TRHDE: variants seen among roughly 807,000 people sequenced by gnomAD.
TRHDE encodes the protein thyrotropin releasing hormone degrading enzyme, also known as thyrotropin-releasing hormone-degrading ectoenzyme.
TRHDE carries 72 observed loss-of-function variants against 125.7 expected under a neutral mutation model. That is an observed-to-expected ratio of 0.57 (90% CI 0.47 to 0.70). The LOEUF (loss-of-function observed/expected upper bound fraction) is 0.70, where lower values mean the gene tolerates loss of function less well. Ranked by LOEUF, TRHDE falls within the 30% of genes least tolerant of loss-of-function variation. The pLI, the probability that TRHDE is intolerant of heterozygous loss-of-function variation, is 0.00. For synonymous variants in TRHDE, 509 were observed against 509.1 expected (o/e 1.00, Z 0.00); for missense variants, 1,110 against 1,327.1 (o/e 0.84, Z 2.54).
chr12:72,642,854 C>T (rs890773209), intron 15 of TRHDE, among the ~76,000 whole-genome samples: 18 of 152,102 alleles, frequency 1.2e-4, no homozygotes, highest in Admixed American at 2.0e-4. Context: ...TTTTAGCTCA[C>T]GCTTTACAAA....
At chr12:72,351,339 G>T (rs1414173848) in intron 2 of TRHDE, among the ~76,000 whole-genome samples, 1 of 151,952 alleles carries the variant, frequency 6.6e-6, no homozygotes, top group African/African-American at 2.4e-5. Flanking sequence ...AGAACTAAAA[G>T]TGTTCTTTAT....
chr12:72,135,551 T>G (rs1219090237), intron 2 of TRHDE, among the ~76,000 whole-genome samples: 1 of 132,492 alleles, frequency 7.5e-6, no homozygotes, highest in East Asian at 2.5e-4. Context: ...GTAAACATGT[T>G]TTTTTTTTTT....
chr12:72,153,291 T>C (rs1429994906), intron 2 of TRHDE, among the ~76,000 whole-genome samples: 1 of 152,218 alleles, frequency 6.6e-6, no homozygotes, highest in Non-Finnish European at 1.5e-5. Flanking sequence ...CTCTCTTTTC[T>C]TCTTTATTAG....
At chr12:72,357,078 T>C (rs1870857916) in intron 2 of TRHDE, among the ~76,000 whole-genome samples, 1 of 151,448 alleles carries the variant, frequency 6.6e-6, no homozygotes, top group Non-Finnish European at 1.5e-5. Flanking sequence ...CTTAAAACTT[T>C]CCAGGTTTAA....
chr12:72,110,968 C>G (rs1416793087), intron 2 of TRHDE, among the ~76,000 whole-genome samples: 8 of 152,104 alleles, frequency 5.3e-5, no homozygotes, highest in Non-Finnish European at 1.5e-5. Flanking sequence ...CTTTTCCTGT[C>G]ACTCTCAGGC....
intron 2 of TRHDE, among the ~76,000 whole-genome samples, chr12:72,296,731 C>T (rs959406222): frequency 6.6e-6 from 1 of 151,192 alleles, no homozygotes; most frequent in Non-Finnish European, 1.5e-5. Flanking sequence ...TTATTAGAGT[C>T]GAGGAGTTTA....
At chr12:72,614,330 A>ATATGTATATATATATATATATTTT (rs531067163) in intron 12 of TRHDE, among the ~76,000 whole-genome samples, 1 of 129,860 alleles carries the variant, frequency 7.7e-6, no homozygotes, top group African/African-American at 3.1e-5. Context: ...ATATATATAT[A>ATATGTATATATATATATATATTTT]TTTTTTTTTT....
chr12:72,511,888 T>C (rs187030182), intron 6 of TRHDE, among the ~76,000 whole-genome samples: 2 of 152,140 alleles, frequency 1.3e-5, no homozygotes, highest in Admixed American at 1.3e-4. Flanking sequence ...TAAAAATAGG[T>C]AGCAGGTTAT....
chr12:72,161,855 A>G (rs573734149), intron 2 of TRHDE, among the ~76,000 whole-genome samples: 1 of 152,364 alleles, frequency 6.6e-6, no homozygotes, highest in South Asian at 2.1e-4. Flanking sequence ...TTTGATCTTG[A>G]TATGTGTTTT....
At chr12:72,347,889 C>CA (rs1390685321) in intron 2 of TRHDE, among the ~76,000 whole-genome samples, 9 of 151,982 alleles carry the variant, frequency 5.9e-5, no homozygotes, top group African/African-American at 1.9e-4. Context: ...AGCATATTAC[C>CA]AGGCTCAGGT....
At chr12:72,163,665 G>A (rs1469798661) in intron 2 of TRHDE, among the ~76,000 whole-genome samples, 2 of 152,148 alleles carry the variant, frequency 1.3e-5, no homozygotes, top group Non-Finnish European at 2.9e-5. Flanking sequence ...TGTTTGTTCT[G>A]ATAACTGATG....
intron 2 of TRHDE, among the ~76,000 whole-genome samples, chr12:72,202,089 A>C (rs936297980): frequency 6.6e-6 from 1 of 152,218 alleles, no homozygotes; most frequent in Non-Finnish European, 1.5e-5. Context: ...AAGCCAGTTA[A>C]TCATGATGGT....
intron 3 of TRHDE, among the ~76,000 whole-genome samples, chr12:72,380,327 G>A (rs1592403563): frequency 6.6e-6 from 1 of 152,154 alleles, no homozygotes; most frequent in Admixed American, 6.5e-5. Context: ...AAAGCAATTA[G>A]TAACATTTGT....
At chr12:72,421,183 TCCC>T (rs1034692042) in intron 3 of TRHDE, among the ~76,000 whole-genome samples, 1 of 152,154 alleles carries the variant, frequency 6.6e-6, no homozygotes, top group African/African-American at 2.4e-5. Flanking sequence ...GGAAATTTAA[TCCC>T]CCATTAGTCA....
At chr12:72,433,234 C>T (rs1351101983) in intron 3 of TRHDE, among the ~76,000 whole-genome samples, 2 of 152,088 alleles carry the variant, frequency 1.3e-5, no homozygotes, top group East Asian at 1.9e-4. Context: ...TGTCTATACT[C>T]ATGAGATGTT....
intron 2 of TRHDE, among the ~76,000 whole-genome samples, chr12:72,154,930 A>C (rs902822125): frequency 1.3e-5 from 2 of 152,156 alleles, no homozygotes; most frequent in Non-Finnish European, 2.9e-5. Flanking sequence ...CTTGAATTTG[A>C]ATATTGGCCT....
In TRHDE at chr12:72,575,245, C is replaced by A; in HGVS notation, c.2132-10C>A. 1 of 1,609,588 alleles carries A rather than the reference C, an allele frequency of 6.2e-7. No homozygotes were observed. The highest frequency in any genetic ancestry group is 1.1e-5 in the South Asian group (1 of 90,128). On this transcript the variant is annotated splice_polypyrimidine_tract_variant and intron_variant, in intron 10 of 18. Coordinates refer to ENST00000261180, the MANE Select transcript of TRHDE (RefSeq NM_013381.3). ...AAGTTTGAAATCTATCCCAAAAATG[C>A]TTTTTTCAGAGCACCACAGAATAAC...
chr12:72,621,264 C>T, intron 14 of TRHDE, 59 bp downstream of exon 14: 1 of 1,083,216 alleles, frequency 9.2e-7, no homozygotes, highest in Non-Finnish European at 1.4e-6. Flanking sequence ...TAATGTACTA[C>T]TAGTGCCATT....
intron 2 of TRHDE, among the ~76,000 whole-genome samples, chr12:72,159,610 G>A (rs768062398): frequency 1.6e-4 from 25 of 152,296 alleles, no homozygotes; most frequent in Middle Eastern, 3.4e-3. Flanking sequence ...GGCAAAATAC[G>A]TTTGAAAATG....
Sources: allele counts gnomAD v4.1 joint callset (sites outside exome capture counted in the v4.1 genomes callset), GRCh38; gene constraint gnomAD v4.1.1; transcripts MANE v1.5; gene names NCBI Gene and HGNC (gene_info 2026-07-23, HGNC 2026-07-21).